Variants in CDKAL1 observed in about 807,000 individuals in gnomAD.
CDKAL1 encodes CDKAL1 threonylcarbamoyladenosine tRNA methylthiotransferase.
CDKAL1 carries 32 observed loss-of-function variants against 68.2 expected under a neutral mutation model. That is an observed-to-expected ratio of 0.47 (90% CI 0.35 to 0.63). The LOEUF (loss-of-function observed/expected upper bound fraction) is 0.63, where lower values mean the gene tolerates loss of function less well. Among genes scored for constraint, CDKAL1 ranks in the 30% least tolerant of loss-of-function variants. The probability of loss-of-function intolerance (pLI) is 0.00; values close to 1 mark genes in which losing one functional copy is unlikely to be tolerated. For missense variants in CDKAL1, 606 were observed against 696.7 expected, an observed-to-expected ratio of 0.87 and a Z score of 1.47; for synonymous variants, 234 against 244.3, an observed-to-expected ratio of 0.96 and a Z score of 0.39.
At chr6:21,085,133 G>A (rs920320774) in intron 12 of CDKAL1, among the ~76,000 whole-genome samples, 3 of 152,154 alleles carry the variant, frequency 2.0e-5, no homozygotes, top group African/African-American at 7.2e-5. Flanking sequence ...TTGGAAGAAG[G>A]CTGTCTGGTG....
chr6:21,229,418 T>C (rs543278467), intron 15 of CDKAL1, among the ~76,000 whole-genome samples: 142 of 152,300 alleles, frequency 9.3e-4, no homozygotes, highest in Middle Eastern at 3.4e-3. Context: ...CCCATTCTCC[T>C]GCCTCCCTTC....
At chr6:20,536,298 C>G (rs1187842182) in intron 2 of CDKAL1, among the ~76,000 whole-genome samples, 1 of 152,000 alleles carries the variant, frequency 6.6e-6, no homozygotes, top group Admixed American at 6.6e-5. Flanking sequence ...CATTTCTTAG[C>G]TAAGAAAGAA....
rs544518899 is a variant in CDKAL1 at position 20,637,587 on chromosome 6, A to G, written c.287-11706A>G. Among the ~76,000 whole-genome samples, 158 of 152,254 alleles carry G rather than the reference A, an allele frequency of 1.0e-3. 1 individual carries two copies. Among genetic ancestry groups the G allele is most frequent in the African/African-American group, 3.7e-3 (153 of 41,534 alleles). On this transcript the variant is annotated intron_variant, in intron 4 of 15. Coordinates refer to ENST00000274695, the MANE Select transcript of CDKAL1 (RefSeq NM_017774.3). ...CAACAACAACAAAAAAGAAATGAGGAGATAGCAGGAAGATGTATTAAGAAA... is the reference window on the plus strand; with the variant it reads ...CAACAACAACAAAAAAGAAATGAGGGGATAGCAGGAAGATGTATTAAGAAA...
chr6:20,701,306 A>G (rs929137214), intron 5 of CDKAL1, among the ~76,000 whole-genome samples: 2 of 148,402 alleles, frequency 1.3e-5, no homozygotes, highest in Non-Finnish European at 3.0e-5. Context: ...AAATTTGACA[A>G]TTTCACATTT....
chr6:20,698,283 A>T (rs1024937109), intron 5 of CDKAL1, among the ~76,000 whole-genome samples: 3 of 152,232 alleles, frequency 2.0e-5, no homozygotes, highest in African/African-American at 7.2e-5. Flanking sequence ...GTTGCAAAAA[A>T]GTTGCAAAGA....
At chr6:20,624,897 A>C (rs904763516) in intron 4 of CDKAL1, among the ~76,000 whole-genome samples, 7 of 152,100 alleles carry the variant, frequency 4.6e-5, no homozygotes, top group Admixed American at 6.6e-5. Context: ...TCTTGGTAAT[A>C]ATGCAGCAAA....
Position 20,846,564 on chromosome 6 carries a change from T to G in CDKAL1, c.742+386T>G, listed in dbSNP as rs190929303. Among the ~76,000 whole-genome samples the G allele has an allele frequency of 3.3e-5, 5 of 152,326 alleles. No individual in the cohort carries two copies. In the East Asian group the frequency reaches 9.6e-4, roughly 29 times the overall value. On this transcript the variant is annotated intron_variant, in intron 9 of 15. Transcript: ENST00000274695. The stretch of plus-strand genomic sequence containing the variant: ...CTTTCTTTGACATTTTTGGACCATT[T>G]AGAAAATAGAGCTAATTAGGGTTTG...
chr6:21,027,063 A>G (rs1281925138), intron 11 of CDKAL1, among the ~76,000 whole-genome samples: 1 of 151,802 alleles, frequency 6.6e-6, no homozygotes, highest in Non-Finnish European at 1.5e-5. Context: ...GCATTCCTTT[A>G]CTTCTAAACA....
rs181646661 is a variant in CDKAL1 at position 20,725,472 on chromosome 6, T to G, written c.372-14047T>G. 5.9e-5 allele frequency among the ~76,000 whole-genome samples: 9 copies of G among 152,274 alleles called. 1 individual carries two copies. Among genetic ancestry groups the G allele is most frequent in the East Asian group, 3.9e-4 (2 of 5,182 alleles). The stretch of plus-strand genomic sequence containing the variant: ...TCCGTAAGCCTCACTCATCTGACTT[T>G]CCTTTGGTTCTTAATGTTACACTGA... On this transcript the variant is annotated intron_variant, in intron 5 of 15. Transcript: ENST00000274695.
At chr6:20,964,734 C>G (rs564788342) in intron 10 of CDKAL1, among the ~76,000 whole-genome samples, 10 of 152,102 alleles carry the variant, frequency 6.6e-5, no homozygotes, top group Admixed American at 6.5e-4. Flanking sequence ...ACAACAAACC[C>G]CCATGACACA....
At chr6:21,023,302 G>C (rs892870362) in intron 11 of CDKAL1, among the ~76,000 whole-genome samples, 1 of 152,144 alleles carries the variant, frequency 6.6e-6, no homozygotes, top group Non-Finnish European at 1.5e-5. Flanking sequence ...CAGCAGGTCA[G>C]ATTTAAGGAT....
chr6:20,886,413 G>A (rs1761070415), intron 9 of CDKAL1, among the ~76,000 whole-genome samples: 1 of 152,142 alleles, frequency 6.6e-6, no homozygotes, highest in African/African-American at 2.4e-5. Context: ...ATTAAAAACA[G>A]GGACTCAACC....
intron 8 of CDKAL1, among the ~76,000 whole-genome samples, chr6:20,792,659 T>A (rs892214888): frequency 6.6e-6 from 1 of 152,230 alleles, no homozygotes; most frequent in Non-Finnish European, 1.5e-5. Context: ...GAGCCCCTTG[T>A]AACTGGAAGA....
chr6:20,895,339 A>C (rs1340385666), intron 9 of CDKAL1, among the ~76,000 whole-genome samples: 1 of 152,220 alleles, frequency 6.6e-6, no homozygotes, highest in Non-Finnish European at 1.5e-5. Flanking sequence ...TTTTATACAC[A>C]TGTGAGAGTT....
intron 8 of CDKAL1, among the ~76,000 whole-genome samples, chr6:20,836,803 A>C (rs1267451131): frequency 6.6e-6 from 1 of 152,166 alleles, no homozygotes; most frequent in Non-Finnish European, 1.5e-5. Flanking sequence ...TCCATCAGTC[A>C]AGGAAAAGAG....
intron 8 of CDKAL1, among the ~76,000 whole-genome samples, chr6:20,814,435 A>G (rs1046844772): frequency 1.3e-5 from 2 of 152,130 alleles, no homozygotes; most frequent in African/African-American, 4.8e-5. Flanking sequence ...ACTTGCCACC[A>G]TACCCAGCTA....
chr6:20,756,120 C>T (rs143902795), intron 6 of CDKAL1: 7 of 152,286 alleles, frequency 4.6e-5, no homozygotes, highest in Non-Finnish European at 8.8e-5. Flanking sequence ...AGATTTTGCT[C>T]GGTCTACTTC....
In CDKAL1 at chr6:21,176,682, G is replaced by GTTTTTTT. The variant is rs777506511; in HGVS notation, c.1300-21332_1300-21326dup. On this transcript the variant is annotated intron_variant, in intron 13 of 15. Coordinates refer to ENST00000274695, the MANE Select transcript of CDKAL1 (RefSeq NM_017774.3). Reference sequence around the variant, plus strand: ...GAATGTCTTCATGGGCTGGATGTTGGTTTTTTTTTTTTTGTTTTTTTTTTT... The same window carrying GTTTTTTT: ...GAATGTCTTCATGGGCTGGATGTTGGTTTTTTTTTTTTTTTTTTTTGTTTTTTTTTTT... Among the ~76,000 whole-genome samples the GTTTTTTT allele has an allele frequency of 4.8e-4, 58 of 119,862 alleles. 3 individuals carry two copies. The highest frequency in any genetic ancestry group is 1.3e-3 in the African/African-American group (39 of 30,194). 78.6% of individuals were successfully genotyped at this position (119,862 alleles called of 152,430 possible). A position where few individuals can be genotyped will look rare whatever the true frequency, so the allele number is the denominator to read the frequency against.
intron 13 of CDKAL1, among the ~76,000 whole-genome samples, chr6:21,173,544 G>C (rs1777472544): frequency 6.6e-6 from 1 of 152,196 alleles, no homozygotes; most frequent in Non-Finnish European, 1.5e-5. Flanking sequence ...AGAGAAGCTT[G>C]AGGGTCCACA....
Sources: gnomAD v4.1 joint callset for allele counts (sites outside exome capture counted in the v4.1 genomes callset) on GRCh38, gnomAD v4.1.1 for gene constraint, MANE v1.5 for transcripts, NCBI Gene and HGNC (gene_info 2026-07-23, HGNC 2026-07-21) for gene names.